Variants in CNOT4 observed in about 807,000 individuals in gnomAD.
CNOT4 encodes the protein CCR4-associated factor 4.
CNOT4 carries 8 observed loss-of-function variants against 73.8 expected under a neutral mutation model. That is an observed-to-expected ratio of 0.11 (90% CI 0.06 to 0.20). The LOEUF (loss-of-function observed/expected upper bound fraction) is 0.20, where lower values mean the gene tolerates loss of function less well. Among genes scored for constraint, CNOT4 ranks in the 10% least tolerant of loss-of-function variants. The probability of loss-of-function intolerance (pLI) is 1.00; values close to 1 mark genes in which losing one functional copy is unlikely to be tolerated. For missense variants in CNOT4, 564 were observed against 883.4 expected (o/e 0.64, Z 4.58); for synonymous variants, 293 against 321.1 (o/e 0.91, Z 0.94).
intron 1 of CNOT4, among the ~76,000 whole-genome samples, chr7:135,457,921 C>T (rs1800646435): frequency 6.6e-6 from 1 of 152,102 alleles, no homozygotes; most frequent in Non-Finnish European, 1.5e-5. Context: ...ATCAACATTT[C>T]TCCTTTGTGT....
rs746604658 is a variant in CNOT4, at chr7:135,364,853, A to T, written c.1628-787T>A. On this transcript the variant is annotated intron_variant, in intron 10 of 11. Transcript: ENST00000541284. The surrounding 1 kb of genome is among the most constrained non-coding windows in gnomAD (Gnocchi z 4.3). ...AAGGCTTTTTATAAATTGTGACTAA[A>T]CTAACTTGATCTACTACCATCCAGA... 1.3e-5 allele frequency among the ~76,000 whole-genome samples: 2 copies of T among 152,246 alleles called. No homozygotes were observed. The highest frequency in any genetic ancestry group is 4.1e-4 in the South Asian group (2 of 4,832).
chr7:135,385,186 C>A (rs955688587), intron 10 of CNOT4, among the ~76,000 whole-genome samples: 9 of 152,210 alleles, frequency 5.9e-5, no homozygotes, highest in Non-Finnish European at 1.3e-4. Flanking sequence ...TACATTTTTG[C>A]TAAGAACCTA....
chr7:135,438,043 A>G, intron 2 of CNOT4, 115 bp downstream of exon 2: 1 of 561,828 alleles, frequency 1.8e-6, no homozygotes, highest in Non-Finnish European at 3.2e-6. Flanking sequence ...ACATAATAAA[A>G]TAATATAATC....
intron 2 of CNOT4, among the ~76,000 whole-genome samples, chr7:135,430,932 G>A (rs1223547137): frequency 6.6e-6 from 1 of 152,086 alleles, no homozygotes; most frequent in African/African-American, 2.4e-5. Context: ...TTAAACACTA[G>A]AGGAGTTACC....
At chr7:135,485,567 GAACAGAAAAC>G (rs1416116497) in intron 1 of CNOT4, among the ~76,000 whole-genome samples, 2 of 152,120 alleles carry the variant, frequency 1.3e-5, no homozygotes, top group African/African-American at 4.8e-5. Context: ...TAATAGAACA[GAACAGAAAAC>G]CCAGAAATGT....
intron 1 of CNOT4, among the ~76,000 whole-genome samples, chr7:135,449,418 C>CA (rs1461238450): frequency 2.6e-5 from 4 of 152,162 alleles, no homozygotes; most frequent in Non-Finnish European, 5.9e-5. Context: ...ACACTAGCTG[C>CA]AAATTTCCAA....
At chr7:135,476,720 C>A (rs922251549) in intron 1 of CNOT4, among the ~76,000 whole-genome samples, 2 of 152,102 alleles carry the variant, frequency 1.3e-5, no homozygotes, top group African/African-American at 4.8e-5. Flanking sequence ...GCCTGTAATA[C>A]CAGCACTTTG....
At chr7:135,490,274 C>T (rs1803020600) in intron 1 of CNOT4, among the ~76,000 whole-genome samples, 1 of 152,156 alleles carries the variant, frequency 6.6e-6, no homozygotes, top group South Asian at 2.1e-4. Context: ...TTCAGGATTT[C>T]TGAAGGGTTT....
intron 1 of CNOT4, among the ~76,000 whole-genome samples, chr7:135,453,826 T>TTATATATATATATATATATA (rs55732572): frequency 3.0e-3 from 266 of 89,842 alleles, no homozygotes; most frequent in Non-Finnish European, 5.1e-3. Flanking sequence ...TATATATATT[T>TTATATATATATATATATATA]TATATATATA....
At chr7:135,457,841 C>T (rs1800641424) in intron 1 of CNOT4, among the ~76,000 whole-genome samples, 1 of 152,048 alleles carries the variant, frequency 6.6e-6, no homozygotes, top group Non-Finnish European at 1.5e-5. Context: ...TATGTATGTG[C>T]ATGTGTGTGT....
intron 3 of CNOT4, among the ~76,000 whole-genome samples, chr7:135,417,255 G>A (rs2129484301): frequency 6.6e-6 from 1 of 152,306 alleles, no homozygotes; most frequent in Non-Finnish European, 1.5e-5. Context: ...CAGGGCTGAA[G>A]AGTTTGCCTA....
chr7:135,421,083 C>T (rs1798164841), intron 3 of CNOT4, among the ~76,000 whole-genome samples: 1 of 152,112 alleles, frequency 6.6e-6, no homozygotes, highest in Admixed American at 6.6e-5. Flanking sequence ...TTACTAATGT[C>T]CCTGACTTTC....
intron 1 of CNOT4, among the ~76,000 whole-genome samples, chr7:135,484,378 G>A (rs1802585573): frequency 6.6e-6 from 1 of 152,050 alleles, no homozygotes; most frequent in African/African-American, 2.4e-5. Flanking sequence ...CCCATTTGTA[G>A]ATGACATGAC....
chr7:135,509,857 T>C, intron 1 of CNOT4, 32 bp downstream of exon 1: 1 of 393,222 alleles, frequency 2.5e-6, no homozygotes, highest in South Asian at 1.4e-4. Flanking sequence ...CAGCCCCGGG[T>C]TTCCCCTAAG....
intron 1 of CNOT4, 117 bp from the exon 2 acceptor site, chr7:135,438,540 A>G: frequency 2.6e-6 from 1 of 385,976 alleles, no homozygotes; most frequent in Non-Finnish European, 4.6e-6. Context: ...ACTGTTATCA[A>G]CCTGAAATGG....
At chr7:135,444,710 T>C (rs1057021064) in intron 1 of CNOT4, 1 of 1,282,752 alleles carries the variant, frequency 7.8e-7, no homozygotes, top group African/African-American at 1.5e-5. Flanking sequence ...CTTGTTTGAA[T>C]CCTTGCTCTG....
At position 135,362,579 on chromosome 7, in the gene CNOT4, GACAA is replaced by G. The variant is rs1182192170; in HGVS notation, c.*302_*305del. ...GATTATGTCATTATTATGCGCAACA[GACAA>G]ACAATAATTTTCTAAGTATTGAGAC... On this transcript the variant is annotated 3_prime_UTR_variant, in exon 12 of 12. Coordinates refer to ENST00000541284, the MANE Select transcript of CNOT4 (RefSeq NM_001190850.2). 1.1e-4 allele frequency: 54 copies of G among 492,640 alleles called. No individual in the cohort carries two copies. The East Asian group carries it at 1.8e-3, about 16-fold the overall frequency. The allele number at this position is 492,640 out of a possible 1,614,324, so 30.5% of individuals were successfully genotyped here.
intron 2 of CNOT4, among the ~76,000 whole-genome samples, chr7:135,425,527 T>C (rs1798443498): frequency 6.6e-6 from 1 of 152,228 alleles, no homozygotes; most frequent in Non-Finnish European, 1.5e-5. Flanking sequence ...TATGGAAATA[T>C]ATTTCCATCA....
chr7:135,432,820 G>A (rs182052000), intron 2 of CNOT4, among the ~76,000 whole-genome samples: 2 of 152,296 alleles, frequency 1.3e-5, no homozygotes, highest in East Asian at 3.9e-4. Flanking sequence ...TACGGAATCC[G>A]AAGATGAAAA....
Sources: gnomAD v4.1 joint callset for allele counts (sites outside exome capture counted in the v4.1 genomes callset) on GRCh38, gnomAD v4.1.1 for gene constraint, Gnocchi (gnomAD v3.1) non-coding constraint, MANE v1.5 for transcripts, NCBI Gene and HGNC (gene_info 2026-07-23, HGNC 2026-07-21) for gene names.